Variants in VEPH1 observed in about 807,000 individuals in gnomAD.
VEPH1 encodes ventricular zone expressed PH domain containing 1, also known as ventricular zone-expressed PH domain-containing protein homolog 1.
Under a neutral mutation model 85.2 loss-of-function variants are expected in VEPH1, and 80 were observed. That is an observed-to-expected ratio of 0.94 (90% CI 0.78 to 1.13). The LOEUF is 1.13. Among genes scored for constraint, VEPH1 ranks in the 50% most tolerant of loss-of-function variants. VEPH1 has a pLI of 0.00. For synonymous variants in VEPH1, 297 were observed against 348.0 expected (o/e 0.85, Z 1.63); for missense variants, 955 against 980.5 (o/e 0.97, Z 0.35).
At chr3:157,421,372 C>T (rs9831686) in intron 5 of VEPH1, among the ~76,000 whole-genome samples, 63,949 of 151,938 alleles carry the variant, frequency 0.42, 14,409 homozygotes, top group Admixed American at 0.57. Context: ...TTGCCCCTCC[C>T]TAGAGAGCTC....
At chr3:157,317,445 TG>T (rs1720867005) in intron 9 of VEPH1, among the ~76,000 whole-genome samples, 1 of 152,176 alleles carries the variant, frequency 6.6e-6, no homozygotes. Context: ...GCAACTCCCA[TG>T]GGGGGAAAAC....
At chr3:157,381,871 A>G (rs1238395962) in intron 6 of VEPH1, among the ~76,000 whole-genome samples, 45 of 152,150 alleles carry the variant, frequency 3.0e-4, no homozygotes. Flanking sequence ...GAGATTTTTA[A>G]TTTATTCCTG....
At chr3:157,457,441 G>A (rs907412263) in intron 4 of VEPH1, among the ~76,000 whole-genome samples, 14 of 152,162 alleles carry the variant, frequency 9.2e-5, no homozygotes, top group Non-Finnish European at 8.8e-5. Context: ...GTGAGAGAGG[G>A]CGTCCTTGTC....
chr3:157,360,580 AT>A (rs1395318629), intron 9 of VEPH1, among the ~76,000 whole-genome samples: 1 of 152,134 alleles, frequency 6.6e-6, no homozygotes, highest in Non-Finnish European at 1.5e-5. Flanking sequence ...TAAGTTGAAA[AT>A]CTTACATCAA....
At chr3:157,450,097 C>A in intron 4 of VEPH1, among the ~76,000 whole-genome samples, 1 of 141,486 alleles carries the variant, frequency 7.1e-6, no homozygotes, top group East Asian at 2.0e-4. Context: ...GTTCTGTCAC[C>A]CATGCTGGAG....
At chr3:157,422,884 A>G (rs1732453529) in intron 5 of VEPH1, among the ~76,000 whole-genome samples, 1 of 152,146 alleles carries the variant, frequency 6.6e-6, no homozygotes, top group East Asian at 1.9e-4. Flanking sequence ...TCCACAATAA[A>G]TGACTGACTT....
At chr3:157,370,267 A>C (rs1434938190) in intron 7 of VEPH1, among the ~76,000 whole-genome samples, 1 of 152,086 alleles carries the variant, frequency 6.6e-6, no homozygotes, top group African/African-American at 2.4e-5. Flanking sequence ...AGATGAGACT[A>C]TAAAGCTGGC....
intron 6 of VEPH1, among the ~76,000 whole-genome samples, chr3:157,390,282 C>T (rs879205908): frequency 2.6e-5 from 4 of 152,118 alleles, no homozygotes; most frequent in African/African-American, 4.8e-5. Context: ...GTTAGGGTTA[C>T]GATTATAATT....
At chr3:157,297,631 G>T (rs116020858) in intron 11 of VEPH1, among the ~76,000 whole-genome samples, 1,888 of 152,198 alleles carry the variant, frequency 0.012, 18 homozygotes, top group Admixed American at 0.018. Flanking sequence ...GCAGTACTAA[G>T]CATGAATGGA....
rs1461689057 is a variant in VEPH1, at chr3:157,291,576, G to T, written c.2011-4902C>A. Among the ~76,000 whole-genome samples the T allele has an allele frequency of 2.0e-5, 3 of 152,310 alleles. No individual in the cohort carries two copies. In the South Asian group the frequency reaches 6.2e-4, roughly 32 times the overall value. The stretch of plus-strand genomic sequence containing the variant: ...GAGACATAGTCATCAGTCCAAGGAG[G>T]TGAGAAGGTAATTCATTGTGTCTGC... On this transcript the variant is annotated intron_variant, in intron 11 of 13. Coordinates refer to ENST00000362010, the MANE Select transcript of VEPH1 (RefSeq NM_001167912.2).
chr3:157,419,018 A>G (rs1384395207), intron 5 of VEPH1, among the ~76,000 whole-genome samples: 3 of 152,212 alleles, frequency 2.0e-5, no homozygotes, highest in Non-Finnish European at 4.4e-5. Context: ...GATCTCAGAA[A>G]TAAGACCACA....
intron 9 of VEPH1, among the ~76,000 whole-genome samples, chr3:157,341,715 C>T (rs1222562692): frequency 2.6e-5 from 4 of 152,014 alleles, no homozygotes; most frequent in Non-Finnish European, 5.9e-5. Context: ...CTCCAAGACA[C>T]ATAATTGTCA....
At chr3:157,387,032 C>A (rs758730650) in intron 6 of VEPH1, among the ~76,000 whole-genome samples, 7 of 152,088 alleles carry the variant, frequency 4.6e-5, no homozygotes, top group Non-Finnish European at 7.4e-5. Flanking sequence ...GTAAATATTT[C>A]CAGTTTAGTG....
intron 13 of VEPH1, among the ~76,000 whole-genome samples, chr3:157,262,957 T>C (rs371453469): frequency 6.6e-5 from 10 of 152,122 alleles, no homozygotes; most frequent in African/African-American, 2.4e-4. Context: ...AAAGTTACCA[T>C]AGTAATTTAA....
intron 7 of VEPH1, 136 bp downstream of exon 7, chr3:157,381,020 A>G (rs1277581507): frequency 1.2e-6 from 1 of 839,364 alleles, no homozygotes; most frequent in Non-Finnish European, 1.9e-6. Context: ...GGCAAGTGCC[A>G]TAATTTATAC....
intron 5 of VEPH1, among the ~76,000 whole-genome samples, chr3:157,425,392 C>A (rs572182901): frequency 6.6e-6 from 1 of 152,266 alleles, no homozygotes; most frequent in Admixed American, 6.5e-5. Context: ...GGGCACCAGC[C>A]TGTGAAAGCA....
At chr3:157,341,070 G>C (rs745314371) in intron 9 of VEPH1, among the ~76,000 whole-genome samples, 3 of 152,034 alleles carry the variant, frequency 2.0e-5, no homozygotes, top group Non-Finnish European at 4.4e-5. Flanking sequence ...CACAAAGATG[G>C]GGAAAAAAAC....
intron 4 of VEPH1, among the ~76,000 whole-genome samples, chr3:157,432,492 G>A (rs1256870974): frequency 6.6e-6 from 1 of 151,994 alleles, no homozygotes; most frequent in East Asian, 1.9e-4. Context: ...TACATAGGAG[G>A]AAGAAGTTTA....
At position 157,438,020 on chromosome 3, in the gene VEPH1, AGCGCGC is replaced by A. The variant is rs113324549; in HGVS notation, c.530-9538_530-9533del. The A allele has an allele frequency of 1.2e-3, 996 of 836,836 alleles. 17 individuals are homozygous for A. The African/African-American group carries it at 0.017, about 14-fold the overall frequency. The allele number at this position is 836,836 out of a possible 1,614,324, so 51.8% of individuals were successfully genotyped here. A position where few individuals can be genotyped will look rare whatever the true frequency, so the allele number is the denominator to read the frequency against. ...CCTTCTAGGGGAAGCTTTCATGGGA[AGCGCGC>A]GCGCGCGCGCGCACACACACACACA... On this transcript the variant is annotated intron_variant, in intron 4 of 13. Transcript: ENST00000362010.
Sources: allele counts gnomAD v4.1 joint callset (sites outside exome capture counted in the v4.1 genomes callset), GRCh38; gene constraint gnomAD v4.1.1; transcripts MANE v1.5; gene names NCBI Gene and HGNC (gene_info 2026-07-23, HGNC 2026-07-21).